Variants in ADGRL2 observed in about 807,000 individuals in gnomAD.
The protein encoded by ADGRL2 is calcium-independent alpha-latrotoxin receptor 2.
Under a neutral mutation model 157.4 loss-of-function variants are expected in ADGRL2, and 44 were observed. The ratio of observed to expected loss-of-function variants is 0.28; its 90% confidence interval spans 0.22 to 0.36. ADGRL2 has a LOEUF of 0.36. ADGRL2 is among the 10% of genes least tolerant of loss of function. The pLI, the probability that ADGRL2 is intolerant of heterozygous loss-of-function variation, is 1.00. For missense variants in ADGRL2, 1,510 were observed against 1,768.9 expected (o/e 0.85, Z 2.63); for synonymous variants, 585 against 624.7 (o/e 0.94, Z 0.95).
intron 1 of ADGRL2, among the ~76,000 whole-genome samples, chr1:81,327,079 G>A (rs776505592): frequency 3.3e-5 from 5 of 152,068 alleles, no homozygotes; most frequent in Middle Eastern, 3.2e-3. Flanking sequence ...AGAGGTTCAG[G>A]ACATACACTT....
At chr1:81,713,563 A>C (rs1380378476) in intron 1 of ADGRL2, among the ~76,000 whole-genome samples, 4 of 152,238 alleles carry the variant, frequency 2.6e-5, no homozygotes, top group Non-Finnish European at 5.9e-5. Context: ...AGCACTCTGC[A>C]TAAATTCATC....
At chr1:81,875,681 C>G (rs2093820926) in intron 2 of ADGRL2, among the ~76,000 whole-genome samples, 1 of 152,020 alleles carries the variant, frequency 6.6e-6, no homozygotes, top group South Asian at 2.1e-4. Flanking sequence ...AAACACTTGC[C>G]TTTTATTTGT....
intron 2 of ADGRL2, among the ~76,000 whole-genome samples, chr1:81,790,873 T>C (rs1024554169): frequency 1.3e-5 from 2 of 151,838 alleles, no homozygotes; most frequent in Non-Finnish European, 2.9e-5. Context: ...GCAGGCAGCC[T>C]AGGCACATGG....
intron 1 of ADGRL2, among the ~76,000 whole-genome samples, chr1:81,337,291 A>C (rs1295436636): frequency 2.0e-5 from 3 of 152,180 alleles, no homozygotes; most frequent in Non-Finnish European, 2.9e-5. Flanking sequence ...CGGATGACAA[A>C]GCTAAAAGAG....
chr1:81,861,897 A>G (rs949504524), intron 2 of ADGRL2, among the ~76,000 whole-genome samples: 4 of 152,194 alleles, frequency 2.6e-5, no homozygotes, highest in Non-Finnish European at 5.9e-5. Context: ...GAAGAAAAAA[A>G]AAAAGAAACA....
At chr1:81,519,064 T>C (rs958590672) in intron 2 of ADGRL2, among the ~76,000 whole-genome samples, 1 of 152,184 alleles carries the variant, frequency 6.6e-6, no homozygotes, top group Non-Finnish European at 1.5e-5. Flanking sequence ...ATTTTACAGA[T>C]GGGTGAATGG....
At chr1:81,381,817 T>C (rs991587163) in intron 1 of ADGRL2, among the ~76,000 whole-genome samples, 6 of 152,234 alleles carry the variant, frequency 3.9e-5, no homozygotes, top group Non-Finnish European at 5.9e-5. Flanking sequence ...AGGATGGACT[T>C]ATAATCCAAG....
chr1:81,467,380 CT>C (rs2078079489), intron 2 of ADGRL2, among the ~76,000 whole-genome samples: 1 of 152,108 alleles, frequency 6.6e-6, no homozygotes, highest in Non-Finnish European at 1.5e-5. Context: ...TCTCGTCCCC[CT>C]CTTTAAAAAA....
At chr1:81,401,238 G>A (rs2076749301) in intron 1 of ADGRL2, among the ~76,000 whole-genome samples, 1 of 152,160 alleles carries the variant, frequency 6.6e-6, no homozygotes, top group Non-Finnish European at 1.5e-5. Flanking sequence ...CAGGCACAGA[G>A]GGATGAGACT....
intron 2 of ADGRL2, among the ~76,000 whole-genome samples, chr1:81,780,064 A>G (rs915742624): frequency 3.9e-5 from 6 of 152,140 alleles, no homozygotes; most frequent in African/African-American, 1.2e-4. Flanking sequence ...GTGCAGTCAC[A>G]TAGCGCTATC....
At chr1:81,897,470 C>G (rs887312595) in intron 2 of ADGRL2, among the ~76,000 whole-genome samples, 1 of 151,976 alleles carries the variant, frequency 6.6e-6, no homozygotes, top group African/African-American at 2.4e-5. Context: ...AATATGTTTT[C>G]ATGGTACTTG....
chr1:81,677,873 A>G (rs1009935855), intron 3 of ADGRL2, among the ~76,000 whole-genome samples: 1 of 152,168 alleles, frequency 6.6e-6, no homozygotes, highest in Non-Finnish European at 1.5e-5. Context: ...AGTGACACGC[A>G]AGGGACTTCA....
chr1:81,621,061 G>T (rs548015589), intron 3 of ADGRL2, among the ~76,000 whole-genome samples: 2 of 152,256 alleles, frequency 1.3e-5, no homozygotes, highest in South Asian at 4.1e-4. Flanking sequence ...ATATCATGGT[G>T]CTTTTGCTAT....
intron 2 of ADGRL2, among the ~76,000 whole-genome samples, chr1:81,511,395 A>G (rs200915874): frequency 1.1e-4 from 13 of 118,758 alleles, no homozygotes; most frequent in Non-Finnish European, 2.3e-4. Flanking sequence ...AAAAAAAAAA[A>G]GCGCGCACAC....
At chr1:81,678,651 C>G (rs560672630) in intron 3 of ADGRL2, among the ~76,000 whole-genome samples, 6 of 152,184 alleles carry the variant, frequency 3.9e-5, no homozygotes, top group Non-Finnish European at 5.9e-5. Context: ...AGCAAAGTGG[C>G]CTTTATGTAT....
chr1:81,964,764 C>T (rs1381934602), intron 11 of ADGRL2, among the ~76,000 whole-genome samples: 3 of 151,668 alleles, frequency 2.0e-5, no homozygotes, highest in African/African-American at 7.3e-5. Flanking sequence ...GAGTGACATT[C>T]AGAAAAAAAG....
intron 1 of ADGRL2, among the ~76,000 whole-genome samples, chr1:81,815,266 T>TA (rs2090281996): frequency 6.6e-6 from 1 of 151,796 alleles, no homozygotes; most frequent in Non-Finnish European, 1.5e-5. Flanking sequence ...TAGTTGTTAA[T>TA]ACTCGTGTCA....
At chr1:81,639,919 C>G (rs1000088941) in intron 3 of ADGRL2, among the ~76,000 whole-genome samples, 1 of 152,160 alleles carries the variant, frequency 6.6e-6, no homozygotes, top group South Asian at 2.1e-4. Context: ...GGCACTTCTT[C>G]TTACACGTAA....
At chr1:81,709,049 T>C (rs960009119) in intron 1 of ADGRL2, among the ~76,000 whole-genome samples, 1 of 152,142 alleles carries the variant, frequency 6.6e-6, no homozygotes, top group Non-Finnish European at 1.5e-5. Context: ...CTATAGTTCA[T>C]CGAATCTAAG....
Sources: gnomAD v4.1 joint callset for allele counts (sites outside exome capture counted in the v4.1 genomes callset) on GRCh38, gnomAD v4.1.1 for gene constraint, MANE v1.5 for transcripts, NCBI Gene and HGNC (gene_info 2026-07-23, HGNC 2026-07-21) for gene names.